ADAM19: variants seen among roughly 807,000 people sequenced by gnomAD.
The protein encoded by ADAM19 is ADAM metallopeptidase domain 19, also known as disintegrin and metalloproteinase domain-containing protein 19.
ADAM19 carries 65 observed loss-of-function variants against 114.7 expected under a neutral mutation model. That is an observed-to-expected ratio of 0.57 (90% confidence interval 0.46 to 0.70). The LOEUF is 0.70. ADAM19 is among the 30% of genes least tolerant of loss of function. The pLI is 0.00. For synonymous variants in ADAM19, 466 were observed against 460.5 expected, an observed-to-expected ratio of 1.01 and a Z score of -0.15; for missense variants, 1,063 against 1,204.7, an observed-to-expected ratio of 0.88 and a Z score of 1.74.
intron 2 of ADAM19, among the ~76,000 whole-genome samples, chr5:157,569,416 CTTTTTT>C (rs1196722802): frequency 1.0e-5 from 1 of 97,872 alleles, no homozygotes; most frequent in African/African-American, 4.3e-5. Flanking sequence ...AGCTAATTTT[CTTTTTT>C]TTTTTTTTTT....
Position 157,564,419 on chromosome 5 carries a change from C to T in ADAM19, c.205G>A (p.Val69Ile). The change falls in exon 3 of 23, where the codon GTA becomes ATA. Residue 69 changes from valine to isoleucine, a missense_variant. By Grantham distance (29) the Val-to-Ile change is conservative. Transcript: ENST00000257527. The part of the protein sequence containing the change: ...EKHPLKAELR[V>I]MAEGRELILD... Reference sequence around the variant, plus strand: ...ATCAGTTCTCGCCCCTCAGCCATTACCCTGAGCTCAGCTTTGAGTGGATGC... The same window carrying T: ...ATCAGTTCTCGCCCCTCAGCCATTATCCTGAGCTCAGCTTTGAGTGGATGC... The T allele has an allele frequency of 1.2e-6, 2 of 1,614,218 alleles. No homozygotes were observed. Among genetic ancestry groups the T allele is most frequent in the Non-Finnish European group, 1.7e-6 (2 of 1,180,034 alleles).
chr5:157,492,929 C>T (rs757594695), intron 16 of ADAM19, 44 bp downstream of exon 16: 64 of 1,605,718 alleles, frequency 4.0e-5, no homozygotes, highest in Non-Finnish European at 5.4e-5. Context: ...CTCAATCACT[C>T]TGCTCTGCAG....
chr5:157,497,570 T>TACACACACAC (rs5872512), intron 13 of ADAM19, among the ~76,000 whole-genome samples: 10 of 116,758 alleles, frequency 8.6e-5, no homozygotes, highest in Middle Eastern at 8.2e-3. Context: ...GGCCCACTAA[T>TACACACACAC]ACACACACAC....
intron 3 of ADAM19, among the ~76,000 whole-genome samples, chr5:157,563,621 C>T (rs1215267498): frequency 6.6e-6 from 1 of 152,168 alleles, no homozygotes; most frequent in African/African-American, 2.4e-5. Flanking sequence ...GTGGGACGGT[C>T]AGTGGGGAAA....
intron 3 of ADAM19, among the ~76,000 whole-genome samples, chr5:157,561,469 C>T (rs1252066104): frequency 6.6e-6 from 1 of 152,224 alleles, no homozygotes; most frequent in African/African-American, 2.4e-5. Context: ...CTCTCCCTCC[C>T]CCCAGAGTCC....
rs557305271 is a variant in ADAM19 at position 157,537,762 on chromosome 5, T to C, written c.330+151A>G. ...GGAGCACCTATGAACATCAAATACATGTTTTGCTTCTCGTTTGCTCCCTTG... is the reference window on the plus strand; with the variant it reads ...GGAGCACCTATGAACATCAAATACACGTTTTGCTTCTCGTTTGCTCCCTTG... On this transcript the variant is annotated intron_variant, in intron 4 of 22. Coordinates refer to ENST00000257527, the MANE Select transcript of ADAM19 (RefSeq NM_033274.5). The C allele has an allele frequency of 6.5e-6, 4 of 610,826 alleles. No individual in the cohort carries two copies. In the Admixed American group the frequency reaches 1.3e-4, roughly 19 times the overall value. The allele number at this position is 610,826 out of a possible 1,614,324, so 37.8% of individuals were successfully genotyped here.
chr5:157,551,441 A>T (rs886467213), intron 3 of ADAM19, among the ~76,000 whole-genome samples: 2 of 151,788 alleles, frequency 1.3e-5, no homozygotes, highest in African/African-American at 2.4e-5. Context: ...AGACCAAAAA[A>T]ACTAAGACCT....
chr5:157,551,413 A>C (rs377195150), intron 3 of ADAM19, among the ~76,000 whole-genome samples: 81 of 15,948 alleles, frequency 5.1e-3, no homozygotes, highest in Admixed American at 0.035. Flanking sequence ...CCCCAACCCC[A>C]AAAAAAAAAA....
intron 8 of ADAM19, among the ~76,000 whole-genome samples, chr5:157,509,913 G>A (rs757349402): frequency 3.3e-5 from 5 of 152,206 alleles, no homozygotes; most frequent in Non-Finnish European, 5.9e-5. Context: ...TTTAAAATAG[G>A]AAGAAGGCTT....
At chr5:157,502,734 T>A (rs1024635783) in intron 12 of ADAM19, 69 bp downstream of exon 12, 48 of 1,547,672 alleles carry the variant, frequency 3.1e-5, no homozygotes, top group Non-Finnish European at 3.8e-5. Context: ...AATTGTGTTC[T>A]CTTTGACCTT....
At chr5:157,494,898 G>A in intron 14 of ADAM19, 103 bp from the exon 15 acceptor site, 1 of 858,884 alleles carries the variant, frequency 1.2e-6, no homozygotes, top group South Asian at 1.6e-5. Context: ...TTTTCTGGGA[G>A]GGAATACTCA....
chr5:157,567,454 G>C (rs1277460381), intron 2 of ADAM19, among the ~76,000 whole-genome samples: 3 of 152,174 alleles, frequency 2.0e-5, no homozygotes, highest in Non-Finnish European at 4.4e-5. Flanking sequence ...GCAGTGCCCT[G>C]CCCAATCACA....
intron 5 of ADAM19, among the ~76,000 whole-genome samples, chr5:157,521,251 G>A (rs185422691): frequency 2.8e-4 from 43 of 152,226 alleles, no homozygotes; most frequent in African/African-American, 9.9e-4. Flanking sequence ...GATACAATGA[G>A]ATAAACATGA....
At chr5:157,560,000 T>A (rs1310289475) in intron 3 of ADAM19, among the ~76,000 whole-genome samples, 2 of 151,950 alleles carry the variant, frequency 1.3e-5, no homozygotes, top group African/African-American at 2.4e-5. Flanking sequence ...GCGCGGTGGC[T>A]CACGCCTGTA....
At chr5:157,538,211 G>A (rs571800222) in intron 3 of ADAM19, among the ~76,000 whole-genome samples, 2 of 151,886 alleles carry the variant, frequency 1.3e-5, no homozygotes, top group Admixed American at 6.6e-5. Flanking sequence ...CATCACTATG[G>A]GAACATCACT....
At chr5:157,518,944 A>C in intron 6 of ADAM19, 56 bp from the exon 7 acceptor site, 2 of 1,444,422 alleles carry the variant, frequency 1.4e-6, no homozygotes, top group Non-Finnish European at 1.9e-6. Context: ...CCTCATTTTT[A>C]AAAAACTGCT....
Position 157,477,973 on chromosome 5 carries a change from G to C in ADAM19, c.*2976C>G. 1 of 293,284 alleles carries C rather than the reference G, an allele frequency of 3.4e-6. No homozygotes were observed. 18.2% of individuals were successfully genotyped at this position (293,284 alleles called of 1,614,324 possible). ...AGGGAGAAGTCAGCAAGGCTGAAAG[G>C]AATCTATGGCTAGCAGGCAGTTACA... On this transcript the variant is annotated 3_prime_UTR_variant, in exon 23 of 23. Transcript: ENST00000257527.
At chr5:157,551,175 C>T (rs998172782) in intron 3 of ADAM19, among the ~76,000 whole-genome samples, 22 of 151,906 alleles carry the variant, frequency 1.4e-4, no homozygotes, top group African/African-American at 5.3e-4. Flanking sequence ...GAAGCCGAGG[C>T]AGGCGAATCA....
chr5:157,516,133 T>C (rs1377523785), intron 7 of ADAM19, among the ~76,000 whole-genome samples: 1 of 152,224 alleles, frequency 6.6e-6, no homozygotes, highest in African/African-American at 2.4e-5. Flanking sequence ...TATTTCTGTC[T>C]GCAGAGGATG....
Sources: gnomAD v4.1 joint callset for allele counts (sites outside exome capture counted in the v4.1 genomes callset) on GRCh38, gnomAD v4.1.1 for gene constraint, MANE v1.5 for transcripts, NCBI Gene and HGNC (gene_info 2026-07-23, HGNC 2026-07-21) for gene names.